TEKT1: variants seen among roughly 807,000 people sequenced by gnomAD.
TEKT1 encodes the protein tektin 1, also known as tektin-1.
A neutral mutation model predicts 34.8 loss-of-function variants in TEKT1; 32 were observed. That is an observed-to-expected ratio of 0.92 (90% CI 0.69 to 1.23). The LOEUF (loss-of-function observed/expected upper bound fraction) is 1.23, where lower values mean the gene tolerates loss of function less well. Among genes scored for constraint, TEKT1 ranks in the 50% most tolerant of loss-of-function variants. TEKT1 has a pLI of 0.00. For synonymous variants in TEKT1, 207 were observed against 199.8 expected, an observed-to-expected ratio of 1.04 and a Z score of -0.30; for missense variants, 492 against 518.5, an observed-to-expected ratio of 0.95 and a Z score of 0.50.
intron 6 of TEKT1, among the ~76,000 whole-genome samples, chr17:6,810,593 C>G (rs950448828): frequency 6.6e-6 from 1 of 152,200 alleles, no homozygotes; most frequent in Non-Finnish European, 1.5e-5. Flanking sequence ...ACTACCATGG[C>G]AGAATTAAGT....
intron 2 of TEKT1, among the ~76,000 whole-genome samples, chr17:6,827,298 G>T (rs893271646): frequency 1.6e-5 from 2 of 126,208 alleles, no homozygotes; most frequent in Middle Eastern, 6.9e-3. Context: ...TCTCGCTCTT[G>T]TCGCCCGGGC....
chr17:6,825,163 T>A (rs1349527100), intron 2 of TEKT1, among the ~76,000 whole-genome samples: 1 of 152,086 alleles, frequency 6.6e-6, no homozygotes, highest in Non-Finnish European at 1.5e-5. Flanking sequence ...CAGGAAAAAT[T>A]TGTGCCATAG....
At chr17:6,830,642 G>A (rs899820414) in intron 1 of TEKT1, among the ~76,000 whole-genome samples, 16 of 151,772 alleles carry the variant, frequency 1.1e-4, no homozygotes, top group African/African-American at 3.6e-4. Context: ...CTACAAATTC[G>A]TTTTGCTGTT....
At chr17:6,821,294 C>T (rs567001583) in intron 2 of TEKT1, among the ~76,000 whole-genome samples, 1 of 152,258 alleles carries the variant, frequency 6.6e-6, no homozygotes, top group East Asian at 1.9e-4. Flanking sequence ...GGCAGTTTCC[C>T]CCATGCTGCT....
At chr17:6,801,288 A>T (rs1337000945) in intron 6 of TEKT1, among the ~76,000 whole-genome samples, 1 of 152,196 alleles carries the variant, frequency 6.6e-6, no homozygotes, top group African/African-American at 2.4e-5. Context: ...ATGAGCAGAA[A>T]GCTGCCTATT....
At chr17:6,805,865 C>T (rs1431316703) in intron 6 of TEKT1, among the ~76,000 whole-genome samples, 2 of 152,170 alleles carry the variant, frequency 1.3e-5, no homozygotes, top group African/African-American at 2.4e-5. Context: ...TTTACATTTG[C>T]TGAGGAGTGC....
At chr17:6,814,120 T>C (rs1976969935) in intron 5 of TEKT1, among the ~76,000 whole-genome samples, 1 of 152,120 alleles carries the variant, frequency 6.6e-6, no homozygotes, top group African/African-American at 2.4e-5. Flanking sequence ...TTCAGATGGA[T>C]TGCAACCCCA....
chr17:6,804,017 G>A (rs887524206), intron 6 of TEKT1, among the ~76,000 whole-genome samples: 4 of 152,150 alleles, frequency 2.6e-5, no homozygotes, highest in African/African-American at 7.2e-5. Context: ...GTAGCTTGAT[G>A]GGGATGGCAT....
chr17:6,808,232 G>A (rs1006516834), intron 6 of TEKT1, among the ~76,000 whole-genome samples: 3 of 152,220 alleles, frequency 2.0e-5, no homozygotes, highest in African/African-American at 7.2e-5. Flanking sequence ...TGCTAGCAGT[G>A]AGCGAGGCTC....
intron 6 of TEKT1, among the ~76,000 whole-genome samples, chr17:6,809,215 A>G (rs542603950): frequency 5.9e-5 from 9 of 152,114 alleles, no homozygotes; most frequent in African/African-American, 2.2e-4. Flanking sequence ...GTGTTGTACA[A>G]TCTATGAGTT....
At chr17:6,801,591 C>A (rs538233611) in intron 6 of TEKT1, among the ~76,000 whole-genome samples, 68 of 152,072 alleles carry the variant, frequency 4.5e-4, no homozygotes, top group African/African-American at 1.5e-3. Flanking sequence ...ACCTGTAATC[C>A]CAGATACTCA....
At chr17:6,812,758 G>T in intron 6 of TEKT1, 73 bp downstream of exon 6, 1 of 1,458,154 alleles carries the variant, frequency 6.9e-7, no homozygotes, top group Non-Finnish European at 9.4e-7. Context: ...GTCTGGCCCA[G>T]GGGGCATTCT....
chr17:6,831,489 G>A (rs1904572445), intron 1 of TEKT1, among the ~76,000 whole-genome samples, 160 bp downstream of exon 1: 2 of 152,210 alleles, frequency 1.3e-5, no homozygotes, highest in South Asian at 2.1e-4. Context: ...ATTTATCTGA[G>A]TGTGGAGCCC....
chr17:6,807,764 C>T (rs573641790), intron 6 of TEKT1, among the ~76,000 whole-genome samples: 5 of 152,280 alleles, frequency 3.3e-5, no homozygotes, highest in Non-Finnish European at 5.9e-5. Context: ...GTATCAGCTG[C>T]GGAGGCTGCA....
At chr17:6,812,226 T>C (rs1368983112) in intron 6 of TEKT1, among the ~76,000 whole-genome samples, 1 of 152,146 alleles carries the variant, frequency 6.6e-6, no homozygotes, top group Non-Finnish European at 1.5e-5. Context: ...TCCTGAGGCC[T>C]CCCCAGCCAT....
chr17:6,800,668 G>C (rs1052136704), intron 7 of TEKT1, 79 bp downstream of exon 7: 10 of 1,485,696 alleles, frequency 6.7e-6, no homozygotes, highest in Non-Finnish European at 8.2e-6. Flanking sequence ...TCACGCTGCT[G>C]GTCACTATCT....
At chr17:6,804,023 G>A (rs1331768579) in intron 6 of TEKT1, among the ~76,000 whole-genome samples, 1 of 152,098 alleles carries the variant, frequency 6.6e-6, no homozygotes, top group Non-Finnish European at 1.5e-5. Context: ...TGATGGGGAT[G>A]GCATTGAATC....
intron 2 of TEKT1, among the ~76,000 whole-genome samples, chr17:6,821,369 T>C (rs532390297): frequency 6.6e-6 from 1 of 152,320 alleles, no homozygotes; most frequent in East Asian, 1.9e-4. Context: ...CCCCCTTCAT[T>C]TTCTCTTCTC....
At position 6,800,066 on chromosome 17, in the gene TEKT1, C is replaced by T. The variant is rs371979623; in HGVS notation, c.1218G>A (p.Gly406=). 4 of 1,612,258 alleles carry T rather than the reference C, an allele frequency of 2.5e-6. No homozygotes were observed. The African/African-American group carries it at 4.0e-5, about 16-fold the overall frequency. Residue 406 remains glycine, a synonymous_variant, in exon 8 of 8, where the codon GGG becomes GGA. Transcript: ENST00000338694. The stretch of plus-strand genomic sequence containing the variant: ...CAGGGCGGAGGCCCCCAGCCCAGAC[C>T]CCATGGTCTTCCCCATCCCGAAGTG... ...SIPLRDGEDH[G]VWAGGLRPDA... is the part of the protein sequence containing the mutation.
Sources: gnomAD v4.1 joint callset for allele counts (sites outside exome capture counted in the v4.1 genomes callset) on GRCh38, gnomAD v4.1.1 for gene constraint, MANE v1.5 for transcripts, NCBI Gene and HGNC (gene_info 2026-07-23, HGNC 2026-07-21) for gene names.